Variants in HSPA12A observed in about 807,000 individuals in gnomAD.
HSPA12A encodes heat shock 70 kDa protein 12A.
In HSPA12A, 28 loss-of-function variants were observed where a neutral mutation model predicts 69.2. The ratio of observed to expected loss-of-function variants is 0.40; its 90% CI spans 0.30 to 0.55. The LOEUF (loss-of-function observed/expected upper bound fraction) is 0.55, where lower values mean the gene tolerates loss of function less well. Among genes scored for constraint, HSPA12A ranks in the 20% least tolerant of loss-of-function variants. HSPA12A has a pLI of 0.38. For missense variants in HSPA12A, 686 were observed against 900.7 expected (o/e 0.76, Z 3.05); for synonymous variants, 345 against 370.5 (o/e 0.93, Z 0.79).
chr10:116,729,475 AC>A (rs1208757047), intron 1 of HSPA12A, among the ~76,000 whole-genome samples: 4 of 152,032 alleles, frequency 2.6e-5, no homozygotes. Flanking sequence ...AGGGGCACCC[AC>A]CCCCTGCACA....
At chr10:116,832,903 G>C (rs1681721) in intron 2 of HSPA12A, 80,027 of 151,904 alleles carry the variant, frequency 0.53, 21,645 homozygotes, top group East Asian at 0.87. Flanking sequence ...TCAGCAATCT[G>C]TTTTGCTGGC....
intron 2 of HSPA12A, among the ~76,000 whole-genome samples, chr10:116,817,857 G>A (rs996541023): frequency 6.6e-5 from 10 of 152,158 alleles, no homozygotes; most frequent in East Asian, 3.9e-4. Flanking sequence ...CTTTCCGTCC[G>A]GATGCTGAGA....
At chr10:116,790,031 T>A (rs1844667098) in intron 2 of HSPA12A, among the ~76,000 whole-genome samples, 1 of 149,594 alleles carries the variant, frequency 6.7e-6, no homozygotes, top group Admixed American at 6.7e-5. Context: ...ACACTGGAAA[T>A]CAATCCAAGG....
In HSPA12A at chr10:116,738,936, T is replaced by C. The variant is rs541114997; in HGVS notation, c.40+3494A>G. Among the ~76,000 whole-genome samples, 140 of 152,308 alleles carry C rather than the reference T, an allele frequency of 9.2e-4. 2 individuals are homozygous for C. The South Asian group carries it at 0.027, about 29-fold the overall frequency. On this transcript the variant is annotated intron_variant, in intron 1 of 11. Coordinates refer to ENST00000369209, the MANE Select transcript of HSPA12A (RefSeq NM_025015.3). ...GGCAGACAAGTTGCAGCAGCAGATGTTGACACGGAAGTGGATCCCATAGCC... is the reference window on the plus strand; with the variant it reads ...GGCAGACAAGTTGCAGCAGCAGATGCTGACACGGAAGTGGATCCCATAGCC...
intron 1 of HSPA12A, among the ~76,000 whole-genome samples, chr10:116,842,410 C>A (rs1195982938): frequency 6.6e-6 from 1 of 152,134 alleles, no homozygotes; most frequent in Non-Finnish European, 1.5e-5. Flanking sequence ...TAAGTACAAT[C>A]ATATTGTTTA....
chr10:116,694,602 A>G (rs1589635035), intron 5 of HSPA12A, among the ~76,000 whole-genome samples: 1 of 151,756 alleles, frequency 6.6e-6, no homozygotes, highest in South Asian at 2.1e-4. Context: ...TTTGAAACGC[A>G]CCAACATCCT....
intron 7 of HSPA12A, among the ~76,000 whole-genome samples, chr10:116,682,854 C>T (rs1385518279): frequency 3.4e-5 from 5 of 147,914 alleles, no homozygotes; most frequent in Non-Finnish European, 5.9e-5. Context: ...GCACCCGCCA[C>T]CTCGCCCGGC....
intron 2 of HSPA12A, 30 bp from the exon 3 acceptor site, chr10:116,705,308 G>A (rs1407990876): frequency 2.5e-6 from 4 of 1,613,334 alleles, no homozygotes; most frequent in Non-Finnish European, 3.4e-6. Flanking sequence ...CATGGGGGGT[G>A]TGGAGGGGTG....
At chr10:116,677,955 C>G (rs1554878027) in intron 10 of HSPA12A, among the ~76,000 whole-genome samples, 1 of 151,596 alleles carries the variant, frequency 6.6e-6, no homozygotes. Flanking sequence ...AATTCATTAG[C>G]TACTTTGGCG....
rs1013475447 is a variant in HSPA12A, at chr10:116,793,309, G to A, written c.91+41626C>T. Reference sequence around the variant, plus strand: ...AAACAGACTGGGCACAGTGGCTCACGCCTGTAATCCCAACATGTTGGGAGG... The same window carrying A: ...AAACAGACTGGGCACAGTGGCTCACACCTGTAATCCCAACATGTTGGGAGG... On this transcript the variant is annotated intron_variant, in intron 2 of 12. Coordinates refer to the HSPA12A transcript ENST00000635765. Among the ~76,000 whole-genome samples, 3 of 152,318 alleles carry A rather than the reference G, an allele frequency of 2.0e-5. No homozygotes were observed. The East Asian group carries it at 5.8e-4, about 29-fold the overall frequency.
At chr10:116,771,768 G>A (rs1844217008) in intron 2 of HSPA12A, among the ~76,000 whole-genome samples, 1 of 149,652 alleles carries the variant, frequency 6.7e-6, no homozygotes, top group South Asian at 2.1e-4. Context: ...CCTACAAGGG[G>A]CCCAGATAGA....
chr10:116,736,470 T>C (rs1851320101), intron 1 of HSPA12A, among the ~76,000 whole-genome samples: 1 of 152,206 alleles, frequency 6.6e-6, no homozygotes, highest in African/African-American at 2.4e-5. Flanking sequence ...GATGACTATG[T>C]TATCTCCTAT....
At chr10:116,798,762 C>T (rs529858863) in intron 2 of HSPA12A, among the ~76,000 whole-genome samples, 1 of 152,250 alleles carries the variant, frequency 6.6e-6, no homozygotes, top group East Asian at 1.9e-4. Context: ...GCAGACTATG[C>T]TAAAGAATAA....
chr10:116,799,409 G>A (rs767278160), intron 2 of HSPA12A, among the ~76,000 whole-genome samples: 28 of 152,200 alleles, frequency 1.8e-4, no homozygotes, highest in African/African-American at 3.6e-4. Context: ...GGCAGGAGAC[G>A]TGGGTTCACA....
upstream of HSPA12A, among the ~76,000 whole-genome samples, chr10:116,850,684 T>C (rs1846052957): frequency 3.3e-5 from 5 of 152,078 alleles, no homozygotes; most frequent in South Asian, 8.3e-4. Context: ...CGCGAATGAC[T>C]TTTTCCCACT....
intron 1 of HSPA12A, among the ~76,000 whole-genome samples, chr10:116,846,414 A>G (rs1018042292): frequency 1.3e-5 from 2 of 151,408 alleles, no homozygotes; most frequent in Non-Finnish European, 2.9e-5. Flanking sequence ...CAGTGGCACA[A>G]TCTCGGCTCA....
Position 116,710,073 on chromosome 10 carries a change from G to A in HSPA12A, c.41-2788C>T, listed in dbSNP as rs74542433. Among the ~76,000 whole-genome samples, 1,163 of 152,248 alleles carry A rather than the reference G, an allele frequency of 7.6e-3. 16 individuals carry two copies. The highest frequency in any genetic ancestry group is 0.027 in the African/African-American group (1,113 of 41,540). On this transcript the variant is annotated intron_variant, in intron 1 of 11. Coordinates refer to ENST00000369209, the MANE Select transcript of HSPA12A (RefSeq NM_025015.3). The surrounding 1 kb of genome is among the most constrained non-coding windows in gnomAD (Gnocchi z 4.1). ...TCTTTGCTAATCTCCCAGCACAAGG[G>A]AACCCCTTCCATGAATGCAGGGGGA...
At chr10:116,832,647 G>A (rs1288715813) in intron 2 of HSPA12A, 1 of 152,120 alleles carries the variant, frequency 6.6e-6, no homozygotes, top group Non-Finnish European at 1.5e-5. Context: ...TCCATGCCAG[G>A]TGCTGAAGAT....
intron 2 of HSPA12A, 67 bp from the exon 3 acceptor site, chr10:116,705,345 G>A (rs1183796212): frequency 6.4e-7 from 1 of 1,572,530 alleles, no homozygotes; most frequent in Non-Finnish European, 8.7e-7. Context: ...AGACACCCCT[G>A]GGGGGTCTCA....
Sources: allele counts gnomAD v4.1 joint callset (sites outside exome capture counted in the v4.1 genomes callset), GRCh38; gene constraint gnomAD v4.1.1; non-coding constraint Gnocchi (gnomAD v3.1); transcripts MANE v1.5; gene names NCBI Gene and HGNC (gene_info 2026-07-23, HGNC 2026-07-21).